The following PKHD1L1 variants were observed in gnomAD, a reference collection of about 807,000 sequenced individuals.
The protein encoded by PKHD1L1 is PKHD1 like 1.
PKHD1L1 carries 434 observed loss-of-function variants against 462.9 expected under a neutral mutation model. That is an observed-to-expected ratio of 0.94 (90% CI 0.87 to 1.02). The LOEUF (loss-of-function observed/expected upper bound fraction) is 1.02, where lower values mean the gene tolerates loss of function less well. PKHD1L1 is among the 50% of genes least tolerant of loss of function. PKHD1L1 has a pLI of 0.00. For missense variants in PKHD1L1, 5,202 were observed against 5,096.1 expected (o/e 1.02, Z -0.63); for synonymous variants, 1,781 against 1,750.0 (o/e 1.02, Z -0.44).
At position 109,400,170 on chromosome 8, in the gene PKHD1L1, G is replaced by T. The variant is rs1813198542; in HGVS notation, c.1107G>T (p.Met369Ile). The stretch of plus-strand genomic sequence containing the variant: ...ACAATGAAAAAACGCCTGGGTACAT[G>T]GGTGCCAGTTGGGTAGATTCAGCTT... Reference protein sequence around the residue: ...LEYNEKTPGYMGASWVDSASY... With the variant: ...LEYNEKTPGYIGASWVDSASY... Residue 369 changes from methionine (M) to isoleucine (I), a missense_variant, in exon 13 of 78, where the codon ATG becomes ATT. Physicochemically the swap from Met to Ile is conservative, Grantham distance 10 (BLOSUM62 1). Coordinates refer to ENST00000378402, the MANE Select transcript of PKHD1L1 (RefSeq NM_177531.6). 1 of 1,613,716 alleles carries T rather than the reference G, an allele frequency of 6.2e-7. No homozygotes were observed. Among genetic ancestry groups the T allele is most frequent in the East Asian group, 2.2e-5 (1 of 44,880 alleles).
At chr8:109,476,360 C>A in intron 51 of PKHD1L1, 148 bp from the exon 52 acceptor site, 1 of 538,332 alleles carries the variant, frequency 1.9e-6, no homozygotes, top group Non-Finnish European at 3.2e-6. Context: ...CGTTAATAAA[C>A]AAAATAGAAA....
rs200520733 is a variant in PKHD1L1 at position 109,382,519 on chromosome 8, C to G, written c.365C>G (p.Thr122Arg). The G allele has an allele frequency of 1.2e-3, 1,925 of 1,612,406 alleles. 2 individuals carry two copies. Among genetic ancestry groups the G allele is most frequent in the Non-Finnish European group, 1.6e-3 (1,848 of 1,179,152 alleles). Reference sequence around the variant, plus strand: ...GTCAGTGTGGACGGGGTTCCTGTTACGGAAAATAACACCTGCAAAGGTCAC... The same window carrying G: ...GTCAGTGTGGACGGGGTTCCTGTTAGGGAAAATAACACCTGCAAAGGTCAC... Reference protein sequence around the residue: ...VRVSVDGVPVTENNTCKGHIN... With the variant: ...VRVSVDGVPVRENNTCKGHIN... The change falls in exon 4 of 78, where the codon ACG (threonine) becomes AGG (arginine). Residue 122 changes from threonine to arginine, a missense_variant. Thr to Arg is a moderately conservative substitution (Grantham distance 71). Around this residue, in one of 3 missense-constraint regions of PKHD1L1, gnomAD observed 4,497 missense variants for 4,336.8 expected, o/e 1.04. Coordinates refer to ENST00000378402, the MANE Select transcript of PKHD1L1 (RefSeq NM_177531.6).
At chr8:109,482,469 A>G (rs78150840) in intron 56 of PKHD1L1, among the ~76,000 whole-genome samples, 4,627 of 151,798 alleles carry the variant, frequency 0.03, 223 homozygotes, top group African/African-American at 0.11. Context: ...GTGTTTTCCT[A>G]TGTTTTTTAT....
intron 38 of PKHD1L1, among the ~76,000 whole-genome samples, chr8:109,447,767 G>T (rs1051751702): frequency 1.3e-5 from 2 of 152,180 alleles, no homozygotes; most frequent in Admixed American, 6.5e-5. Flanking sequence ...CAAAAATAAA[G>T]ATAGTAAGCC....
In PKHD1L1 at chr8:109,465,218, A is replaced by G; in HGVS notation, c.8386A>G (p.Met2796Val). ...AGFRWEHEMV[M>V]IDVDGSLTGH... ...CTTTCGCTGGGAACATGAAATGGTA[A>G]TGATTGATGTTGATGGCTCACTTAC... The change falls in exon 49 of 78, where the codon ATG becomes GTG. Residue 2796 changes from methionine to valine, a missense_variant. By Grantham distance (21) the Met-to-Val change is conservative. Around this residue, in one of 3 missense-constraint regions of PKHD1L1, gnomAD observed 4,497 missense variants for 4,336.8 expected, o/e 1.04. Coordinates refer to ENST00000378402, the MANE Select transcript of PKHD1L1 (RefSeq NM_177531.6). The G allele has an allele frequency of 6.2e-7, 1 of 1,613,412 alleles. No individual in the cohort carries two copies. Among genetic ancestry groups the G allele is most frequent in the South Asian group, 1.1e-5 (1 of 90,994 alleles).
chr8:109,529,595 T>C (rs1233519481), intron 77 of PKHD1L1, among the ~76,000 whole-genome samples: 1 of 152,186 alleles, frequency 6.6e-6, no homozygotes, highest in Non-Finnish European at 1.5e-5. Flanking sequence ...AATATAATTC[T>C]ATTCTCAAAG....
intron 71 of PKHD1L1, among the ~76,000 whole-genome samples, chr8:109,511,291 C>G (rs1289817911): frequency 1.3e-5 from 2 of 151,784 alleles, no homozygotes; most frequent in Non-Finnish European, 2.9e-5. Flanking sequence ...TGCGCTGCAC[C>G]CATTAACCCG....
chr8:109,437,913 G>T (rs1166096480), intron 30 of PKHD1L1, among the ~76,000 whole-genome samples: 4 of 152,034 alleles, frequency 2.6e-5, no homozygotes, highest in African/African-American at 9.7e-5. Context: ...TTGGAGTGAG[G>T]TCTTCAAAAG....
chr8:109,440,639 A>T, intron 32 of PKHD1L1, 71 bp from the exon 33 acceptor site: 1 of 1,408,834 alleles, frequency 7.1e-7, no homozygotes, highest in Non-Finnish European at 9.8e-7. Context: ...AAGAAGTCAT[A>T]TCCTAGCAAG....
At chr8:109,422,961 T>C (rs906536582) in intron 23 of PKHD1L1, among the ~76,000 whole-genome samples, 4 of 152,186 alleles carry the variant, frequency 2.6e-5, no homozygotes, top group African/African-American at 9.6e-5. Flanking sequence ...TATTTCCTAA[T>C]GGCTAATGAT....
intron 50 of PKHD1L1, chr8:109,470,422 A>G (rs1240263712): frequency 6.9e-6 from 11 of 1,597,706 alleles, no homozygotes; most frequent in Non-Finnish European, 9.4e-6. Context: ...AAAAACTGAT[A>G]AGAAAGGCAA....
chr8:109,491,023 T>G lies in PKHD1L1; in HGVS notation c.10036T>G (p.Phe3346Val). ...YIRGCAFHHGFSPAIGVFGTD... is the reference protein window; with the variant it reads ...YIRGCAFHHGVSPAIGVFGTD... ...TCGAGGCTGTGCTTTTCACCATGGC[T>G]TCTCTCCAGCAATTGGTGTATTTGG... Residue 3346 changes from phenylalanine (F) to valine (V), a missense_variant, in exon 61 of 78, where the codon TTC becomes GTC. Phe to Val is a conservative substitution (Grantham distance 50). Coordinates refer to ENST00000378402, the MANE Select transcript of PKHD1L1 (RefSeq NM_177531.6). The G allele has an allele frequency of 6.2e-7, 1 of 1,609,978 alleles. No individual in the cohort carries two copies. Among genetic ancestry groups the G allele is most frequent in the Non-Finnish European group, 8.5e-7 (1 of 1,176,966 alleles).
chr8:109,516,959 T>C lies in PKHD1L1; in HGVS notation c.11690-1208T>C, dbSNP rs371628710. Among the ~76,000 whole-genome samples, 7 of 152,096 alleles carry C rather than the reference T, an allele frequency of 4.6e-5. No individual in the cohort carries two copies. In the South Asian group the frequency reaches 1.5e-3, roughly 32 times the overall value. ...TGTGAGGCTTATTAGGAAAAAGAAA[T>C]TAAAATTTTAAAAGGAGGAGGGCAT... On this transcript the variant is annotated intron_variant, in intron 72 of 77. Transcript: ENST00000378402.
At chr8:109,432,053 A>G (rs1207659834) in intron 27 of PKHD1L1, among the ~76,000 whole-genome samples, 1 of 152,178 alleles carries the variant, frequency 6.6e-6, no homozygotes. Context: ...CTTATTAGTA[A>G]TGTACATGAT....
In PKHD1L1 at chr8:109,511,464, G is replaced by A. The variant is rs13262746; in HGVS notation, c.11553+530G>A. Among the ~76,000 whole-genome samples, 30 of 150,508 alleles carry A rather than the reference G, an allele frequency of 2.0e-4. No individual in the cohort carries two copies. In the South Asian group the frequency reaches 2.3e-3, roughly 12 times the overall value. Reference sequence around the variant, plus strand: ...GTGGTGTTTGGTTTTTTGTTCTTGCGATAGTTTACTGAGAATGATGATTTC... The same window carrying A: ...GTGGTGTTTGGTTTTTTGTTCTTGCAATAGTTTACTGAGAATGATGATTTC... On this transcript the variant is annotated intron_variant, in intron 71 of 77. Coordinates refer to ENST00000378402, the MANE Select transcript of PKHD1L1 (RefSeq NM_177531.6).
chr8:109,483,656 A>C (rs965474549), intron 57 of PKHD1L1, among the ~76,000 whole-genome samples: 1 of 150,672 alleles, frequency 6.6e-6, no homozygotes, highest in South Asian at 2.1e-4. Context: ...AATGTATATT[A>C]GTCATAAAAG....
chr8:109,456,111 C>A, intron 45 of PKHD1L1, 151 bp from the exon 46 acceptor site: 1 of 749,266 alleles, frequency 1.3e-6, no homozygotes, highest in Non-Finnish European at 2.1e-6. Context: ...AAGCATTCTA[C>A]ATATTTCTTT....
At chr8:109,426,179 T>C (rs964201170) in intron 24 of PKHD1L1, among the ~76,000 whole-genome samples, 4 of 152,100 alleles carry the variant, frequency 2.6e-5, no homozygotes, top group African/African-American at 9.7e-5. Context: ...TTGTTTCTCT[T>C]TTATATTCAT....
At chr8:109,373,817 G>T (rs1156749102) in intron 2 of PKHD1L1, among the ~76,000 whole-genome samples, 1 of 152,164 alleles carries the variant, frequency 6.6e-6, no homozygotes, top group African/African-American at 2.4e-5. Context: ...GAGTGGTTTT[G>T]AGTGAGTTTC....
Sources: allele counts gnomAD v4.1 joint callset (sites outside exome capture counted in the v4.1 genomes callset), GRCh38; gene constraint gnomAD v4.1.1; regional missense constraint gnomAD v4.1.1; transcripts MANE v1.5; gene names NCBI Gene and HGNC (gene_info 2026-07-23, HGNC 2026-07-21).